Variants in ATP9B observed in about 807,000 individuals in gnomAD.
The protein encoded by ATP9B is ATPase phospholipid transporting 9B, also known as probable phospholipid-transporting ATPase IIB.
Under a neutral mutation model 146.1 loss-of-function variants are expected in ATP9B, and 110 were observed. The observed-to-expected ratio is 0.75, with a 90% CI of 0.65 to 0.88. ATP9B has a LOEUF of 0.88. Among genes scored for constraint, ATP9B ranks in the 40% least tolerant of loss-of-function variants. The probability of loss-of-function intolerance (pLI) is 0.00; values close to 1 mark genes in which losing one functional copy is unlikely to be tolerated. For missense variants in ATP9B, 1,499 were observed against 1,496.4 expected (o/e 1.00, Z -0.03); for synonymous variants, 604 against 569.7 (o/e 1.06, Z -0.86).
intron 1 of ATP9B, among the ~76,000 whole-genome samples, chr18:79,073,118 G>T (rs888065342): frequency 6.6e-6 from 1 of 151,172 alleles, no homozygotes; most frequent in Non-Finnish European, 1.5e-5. Context: ...GGTGGCGGCC[G>T]GGAAGAGGCG....
At chr18:79,262,590 T>G (rs2096154455) in intron 12 of ATP9B, among the ~76,000 whole-genome samples, 1 of 152,158 alleles carries the variant, frequency 6.6e-6, no homozygotes, top group African/African-American at 2.4e-5. Flanking sequence ...TTTGAAACAT[T>G]TCTATGATGA....
intron 8 of ATP9B, among the ~76,000 whole-genome samples, chr18:79,177,779 G>C (rs2095196945): frequency 1.3e-5 from 2 of 152,118 alleles, no homozygotes; most frequent in South Asian, 4.1e-4. Flanking sequence ...CAGGTCAGAA[G>C]CTCTATTTGA....
intron 7 of ATP9B, among the ~76,000 whole-genome samples, chr18:79,176,003 C>G (rs954740830): frequency 6.6e-6 from 1 of 152,168 alleles, no homozygotes; most frequent in South Asian, 2.1e-4. Context: ...ATGTCCTGCA[C>G]CTTACTTTCT....
chr18:79,332,001 G>T (rs973848655), intron 17 of ATP9B, among the ~76,000 whole-genome samples: 2 of 152,204 alleles, frequency 1.3e-5, no homozygotes, highest in South Asian at 2.1e-4. Context: ...TCCCCAACAC[G>T]TAACTGCTGA....
chr18:79,198,144 A>G (rs1014937907), intron 9 of ATP9B, among the ~76,000 whole-genome samples: 1 of 152,214 alleles, frequency 6.6e-6, no homozygotes, highest in African/African-American at 2.4e-5. Context: ...GAAATAAATA[A>G]AAAATCTTTA....
At chr18:79,221,998 A>G (rs540150483) in intron 11 of ATP9B, among the ~76,000 whole-genome samples, 1 of 151,376 alleles carries the variant, frequency 6.6e-6, no homozygotes, top group Non-Finnish European at 1.5e-5. Context: ...GAAAAGCATA[A>G]CTCATATCCC....
chr18:79,142,424 A>T (rs1368204642), intron 5 of ATP9B, among the ~76,000 whole-genome samples: 1 of 152,198 alleles, frequency 6.6e-6, no homozygotes, highest in Non-Finnish European at 1.5e-5. Flanking sequence ...TGTGTTGATT[A>T]CAGAGAATGT....
At chr18:79,097,088 G>C (rs2074848974) in intron 2 of ATP9B, among the ~76,000 whole-genome samples, 1 of 151,486 alleles carries the variant, frequency 6.6e-6, no homozygotes, top group Non-Finnish European at 1.5e-5. Flanking sequence ...AACCTGGGAG[G>C]TGGAGGTTAC....
intron 26 of ATP9B, among the ~76,000 whole-genome samples, chr18:79,371,957 G>T (rs2097073648): frequency 6.6e-6 from 1 of 152,254 alleles, no homozygotes; most frequent in Admixed American, 6.5e-5. Flanking sequence ...CTCCTCGTCT[G>T]TAAATGGAAA....
In ATP9B at chr18:79,329,261, C is replaced by G. The variant is rs535160750; in HGVS notation, c.1894C>G (p.Pro632Ala). The G allele has an allele frequency of 6.2e-6, 10 of 1,612,078 alleles. No homozygotes were observed. Among genetic ancestry groups the G allele is most frequent in the Non-Finnish European group, 8.5e-6 (10 of 1,179,430 alleles). Residue 632 changes from proline (P) to alanine (A), a missense_variant, in exon 16 of 30, where the codon CCC becomes GCC. Coordinates refer to ENST00000426216, the MANE Select transcript of ATP9B (RefSeq NM_198531.5). Reference sequence around the variant, plus strand: ...CAGCTTCTGCATTCTGCAGCTGTTTCCCTTCACCTCCGAGAGCAAGCGGAT... The same window carrying G: ...CAGCTTCTGCATTCTGCAGCTGTTTGCCTTCACCTCCGAGAGCAAGCGGAT... ...VLSFCILQLF[P>A]FTSESKRMGV...
chr18:79,359,331 G>A (rs2147819292), intron 25 of ATP9B, 23 bp from the exon 26 acceptor site: 4 of 1,565,728 alleles, frequency 2.6e-6, no homozygotes, highest in Non-Finnish European at 3.5e-6. Flanking sequence ...CACGCCCATT[G>A]CACTCCGCTC....
intron 12 of ATP9B, among the ~76,000 whole-genome samples, chr18:79,265,029 CATTA>C (rs1290941648): frequency 1.3e-5 from 2 of 152,130 alleles, no homozygotes; most frequent in Non-Finnish European, 2.9e-5. Flanking sequence ...GCCTAGTACT[CATTA>C]ATTATTTTTG....
intron 13 of ATP9B, among the ~76,000 whole-genome samples, chr18:79,284,088 A>G (rs940756328): frequency 9.2e-5 from 14 of 152,218 alleles, no homozygotes; most frequent in Non-Finnish European, 1.6e-4. Flanking sequence ...ATCACATATA[A>G]GTTTCACAAG....
chr18:79,073,674 G>C (rs183570811), intron 1 of ATP9B, among the ~76,000 whole-genome samples: 1 of 152,244 alleles, frequency 6.6e-6, no homozygotes, highest in African/African-American at 2.4e-5. Context: ...CGGAGACGAC[G>C]GAGAGGGAGA....
intron 9 of ATP9B, among the ~76,000 whole-genome samples, chr18:79,200,790 GA>G (rs1568389264): frequency 5.9e-5 from 9 of 152,232 alleles, no homozygotes; most frequent in South Asian, 4.1e-4. Context: ...AGTAGTGGTG[GA>G]ATTGTTTTCA....
At chr18:79,131,209 G>A (rs1345489403) in intron 5 of ATP9B, among the ~76,000 whole-genome samples, 1 of 152,054 alleles carries the variant, frequency 6.6e-6, no homozygotes, top group Non-Finnish European at 1.5e-5. Flanking sequence ...AAGCTAATAC[G>A]CTTTCGTGCA....
At chr18:79,071,049 C>CTTTTTTCTTTTTTTTTT (rs1555723402) in intron 1 of ATP9B, among the ~76,000 whole-genome samples, 10 of 112,390 alleles carry the variant, frequency 8.9e-5, no homozygotes, top group African/African-American at 2.8e-4. Context: ...ATTCCTGTTT[C>CTTTTTTCTTTTTTTTTT]TTTTTTTTTT....
chr18:79,377,307 G>C lies in ATP9B; in HGVS notation c.3368G>C (p.Ser1123Thr). ...LWKVSAITVV[S>T]CLPLYVLKYL... The stretch of plus-strand genomic sequence containing the variant: ...AAAGTGTCGGCGATCACCGTGGTCA[G>C]CTGCCTCCCGCTGTATGTCCTCAAG... The change falls in exon 30 of 30, where the codon AGC becomes ACC. Residue 1123 changes from serine (S) to threonine (T), a missense_variant. By Grantham distance (58) the Ser-to-Thr change is moderately conservative. Coordinates refer to ENST00000426216, the MANE Select transcript of ATP9B (RefSeq NM_198531.5). The C allele has an allele frequency of 6.2e-7, 1 of 1,612,252 alleles. No individual in the cohort carries two copies. The highest frequency in any genetic ancestry group is 8.5e-7 in the Non-Finnish European group (1 of 1,179,990).
At chr18:79,356,836 GC>G (rs2096957482) in intron 25 of ATP9B, among the ~76,000 whole-genome samples, 4 of 32,170 alleles carry the variant, frequency 1.2e-4, no homozygotes, top group South Asian at 3.4e-3. Flanking sequence ...TGTGAGGGAT[GC>G]TCTGGGTCTG....
Sources: allele counts gnomAD v4.1 joint callset (sites outside exome capture counted in the v4.1 genomes callset), GRCh38; gene constraint gnomAD v4.1.1; transcripts MANE v1.5; gene names NCBI Gene and HGNC (gene_info 2026-07-23, HGNC 2026-07-21).